The following CORO2B variants were observed in gnomAD, a reference collection of about 807,000 sequenced individuals.
CORO2B encodes the protein coronin-2B.
In CORO2B, 26 loss-of-function variants were observed where a neutral mutation model predicts 58.8. The ratio of observed to expected loss-of-function variants is 0.44; its 90% CI spans 0.32 to 0.61. The LOEUF is 0.61. Among genes scored for constraint, CORO2B ranks in the 20% least tolerant of loss-of-function variants. CORO2B has a pLI of 0.04. For synonymous variants in CORO2B, 242 were observed against 253.8 expected (o/e 0.95, Z 0.44); for missense variants, 460 against 645.1 (o/e 0.71, Z 3.11).
chr15:68,557,158 A>C, the CORO2B span, among the ~76,000 whole-genome samples: 2 of 152,182 alleles, frequency 1.3e-5, no homozygotes, highest in African/African-American at 4.8e-5. Context: ...CAGCTCAACA[A>C]ATGACCCTGC....
At chr15:68,691,775 G>A (rs534317778) in intron 2 of CORO2B, among the ~76,000 whole-genome samples, 46 of 152,038 alleles carry the variant, frequency 3.0e-4, no homozygotes, top group African/African-American at 1.1e-3. Context: ...TCTCTGTTCT[G>A]AATAGGTTCC....
intron 2 of CORO2B, among the ~76,000 whole-genome samples, chr15:68,692,180 C>A (rs1445739031): frequency 6.6e-6 from 1 of 152,222 alleles, no homozygotes; most frequent in African/African-American, 2.4e-5. Context: ...GTAGCTTAAC[C>A]TCTCTGGGCC....
At chr15:68,539,132 G>T in the CORO2B span, among the ~76,000 whole-genome samples, 1 of 152,184 alleles carries the variant, frequency 6.6e-6, no homozygotes, top group Non-Finnish European at 1.5e-5. Context: ...CTAGCCACAA[G>T]ACAGCAGAGC....
intron 1 of CORO2B, among the ~76,000 whole-genome samples, chr15:68,627,679 G>C (rs1279766427): frequency 6.6e-6 from 1 of 152,124 alleles, no homozygotes; most frequent in Non-Finnish European, 1.5e-5. Flanking sequence ...ATGTAAGCAG[G>C]AAATGGCTTC....
chr15:68,534,303 C>T, the CORO2B span, among the ~76,000 whole-genome samples: 151 of 152,358 alleles, frequency 9.9e-4, no homozygotes, highest in African/African-American at 3.6e-3. Context: ...TATGTGTGCA[C>T]ACATGCACAC....
rs564777552 is a variant in CORO2B at position 68,582,554 on chromosome 15, T to A, written c.15+3277T>A. On this transcript the variant is annotated intron_variant, in intron 1 of 11. Coordinates refer to ENST00000261861, the MANE Select transcript of CORO2B (RefSeq NM_006091.5). Reference sequence around the variant, plus strand: ...ATTTTCTTGTTCTGTTCCATCTCAGTCATGTACCAGACTAGCAGTGCTTCT... The same window carrying A: ...ATTTTCTTGTTCTGTTCCATCTCAGACATGTACCAGACTAGCAGTGCTTCT... Among the ~76,000 whole-genome samples, 56 of 152,364 alleles carry A rather than the reference T, an allele frequency of 3.7e-4. 1 individual carries two copies. Among genetic ancestry groups the A allele is most frequent in the South Asian group, 1.4e-3 (7 of 4,834 alleles).
intron 1 of CORO2B, among the ~76,000 whole-genome samples, chr15:68,605,213 A>G (rs1286038253): frequency 6.6e-6 from 1 of 152,232 alleles, no homozygotes; most frequent in Non-Finnish European, 1.5e-5. Context: ...CCAAAGTTGT[A>G]TAAGCCATTA....
the CORO2B span, among the ~76,000 whole-genome samples, chr15:68,569,486 G>A: frequency 3.3e-5 from 5 of 152,082 alleles, no homozygotes; most frequent in African/African-American, 7.2e-5. Flanking sequence ...TTTTTGACAC[G>A]GAATAATATT....
At chr15:68,557,925 G>C in the CORO2B span, among the ~76,000 whole-genome samples, 1 of 152,158 alleles carries the variant, frequency 6.6e-6, no homozygotes, top group Non-Finnish European at 1.5e-5. Flanking sequence ...CACCTCCCAG[G>C]TAATATATTA....
chr15:68,537,149 C>T, the CORO2B span, among the ~76,000 whole-genome samples: 3 of 152,204 alleles, frequency 2.0e-5, no homozygotes, highest in Admixed American at 6.5e-5. Context: ...CATCCTGGCA[C>T]CTTGGCCTGT....
chr15:68,724,598 C>T (rs913266606), intron 11 of CORO2B, among the ~76,000 whole-genome samples: 11 of 152,118 alleles, frequency 7.2e-5, no homozygotes, highest in African/African-American at 2.7e-4. Flanking sequence ...ACACCCAATT[C>T]GGCCACAGTT....
chr15:68,676,664 G>A (rs916130868), intron 2 of CORO2B, among the ~76,000 whole-genome samples: 1 of 152,218 alleles, frequency 6.6e-6, no homozygotes. Flanking sequence ...GCTAGCATGC[G>A]CACACCGCAG....
intron 1 of CORO2B, chr15:68,641,557 G>T (rs940114443): frequency 1.0e-6 from 1 of 985,200 alleles, no homozygotes; most frequent in African/African-American, 1.7e-5. Flanking sequence ...CAGAAACTGC[G>T]GGCCGCTGAG....
chr15:68,542,415 C>T, the CORO2B span, among the ~76,000 whole-genome samples: 1 of 152,262 alleles, frequency 6.6e-6, no homozygotes, highest in Admixed American at 6.5e-5. Context: ...CAGCTTCCAA[C>T]ATCAGTTCCT....
rs184819040 is a variant in CORO2B at position 68,674,520 on chromosome 15, A to C, written c.217-20620A>C. ...TGGGGCACTGGCCTGGGTGTCTGCA[A>C]ACCTGGGTGTGGCCTGGCACAGCCA... On this transcript the variant is annotated intron_variant, in intron 2 of 11. Transcript: ENST00000261861. Among the ~76,000 whole-genome samples the C allele has an allele frequency of 3.1e-3, 468 of 152,260 alleles. 1 individual carries two copies. The highest frequency in any genetic ancestry group is 0.011 in the African/African-American group (443 of 41,556).
intron 2 of CORO2B, among the ~76,000 whole-genome samples, chr15:68,649,263 G>A (rs892341324): frequency 3.3e-5 from 5 of 151,994 alleles, no homozygotes; most frequent in African/African-American, 7.3e-5. Flanking sequence ...ATTTGTTCAC[G>A]TGCTGTAATA....
the CORO2B span, among the ~76,000 whole-genome samples, chr15:68,569,717 G>C: frequency 6.6e-6 from 1 of 152,192 alleles, no homozygotes; most frequent in African/African-American, 2.4e-5. Flanking sequence ...ATTGCCACAG[G>C]GTCTTCCAAA....
the CORO2B span, among the ~76,000 whole-genome samples, chr15:68,553,082 G>A: frequency 6.6e-6 from 1 of 152,192 alleles, no homozygotes; most frequent in Admixed American, 6.5e-5. Flanking sequence ...GACTAGCAGG[G>A]GAGTGAGACG....
chr15:68,560,550 C>T, the CORO2B span, among the ~76,000 whole-genome samples: 1 of 152,174 alleles, frequency 6.6e-6, no homozygotes, highest in Non-Finnish European at 1.5e-5. Context: ...CTTCCTGCCT[C>T]CGTTTCCCAA....
Sources: gnomAD v4.1 joint callset for allele counts (sites outside exome capture counted in the v4.1 genomes callset) on GRCh38, gnomAD v4.1.1 for gene constraint, MANE v1.5 for transcripts, NCBI Gene and HGNC (gene_info 2026-07-23, HGNC 2026-07-21) for gene names.